ENPP6: variants seen among roughly 807,000 people sequenced by gnomAD.
ENPP6 encodes the protein glycerophosphocholine cholinephosphodiesterase ENPP6.
ENPP6 carries 32 observed loss-of-function variants against 42.0 expected under a neutral mutation model. The ratio of observed to expected loss-of-function variants is 0.76; its 90% confidence interval spans 0.58 to 1.02. The LOEUF (loss-of-function observed/expected upper bound fraction) is 1.02. Ranked by LOEUF, ENPP6 falls within the 50% of genes least tolerant of loss-of-function variation. The pLI is 0.00. For missense variants in ENPP6, 552 were observed against 566.8 expected (o/e 0.97, Z 0.27); for synonymous variants, 213 against 216.0 (o/e 0.99, Z 0.12).
intron 7 of ENPP6, among the ~76,000 whole-genome samples, chr4:184,093,375 A>T (rs1224886073): frequency 6.6e-6 from 1 of 152,108 alleles, no homozygotes; most frequent in African/African-American, 2.4e-5. Flanking sequence ...ACAGTGGCTC[A>T]CACCTGTAAT....
intron 2 of ENPP6, among the ~76,000 whole-genome samples, chr4:184,145,015 G>A (rs964763044): frequency 2.6e-5 from 4 of 152,266 alleles, no homozygotes; most frequent in African/African-American, 9.6e-5. Context: ...GCCCAGGGAA[G>A]GATTGGGCCC....
At position 184,103,359 on chromosome 4, in the gene ENPP6, G is replaced by A. The variant is rs76106648; in HGVS notation, c.994-5991C>T. Among the ~76,000 whole-genome samples, 59 of 152,328 alleles carry A rather than the reference G, an allele frequency of 3.9e-4. No individual in the cohort carries two copies. In the East Asian group the frequency reaches 8.5e-3, roughly 22 times the overall value. On this transcript the variant is annotated intron_variant, in intron 6 of 7. Transcript: ENST00000296741. ...GGTCTCCAGGGAACTGGGGAACACC[G>A]TTGAAATCTGGTCAGATTAAAATAA... is the stretch of plus-strand genomic sequence containing the variant.
chr4:184,175,788 C>G (rs773523577), intron 1 of ENPP6, among the ~76,000 whole-genome samples: 1 of 152,140 alleles, frequency 6.6e-6, no homozygotes, highest in African/African-American at 2.4e-5. Flanking sequence ...GAGAGCCTGG[C>G]CATTAGAGGA....
intron 6 of ENPP6, among the ~76,000 whole-genome samples, chr4:184,101,486 T>C (rs1216012456): frequency 6.6e-6 from 1 of 151,920 alleles, no homozygotes; most frequent in East Asian, 1.9e-4. Context: ...GAGGAGCCCT[T>C]GAATGACCTG....
chr4:184,110,621 T>G (rs1440156274), intron 6 of ENPP6, among the ~76,000 whole-genome samples: 2 of 152,122 alleles, frequency 1.3e-5, no homozygotes, highest in African/African-American at 2.4e-5. Context: ...TTTCCTGCTT[T>G]GGAATGTCCT....
chr4:184,149,007 G>T (rs553596573), intron 2 of ENPP6, among the ~76,000 whole-genome samples: 1 of 152,326 alleles, frequency 6.6e-6, no homozygotes, highest in South Asian at 2.1e-4. Flanking sequence ...AGCAAATTAT[G>T]CCTTGACTAA....
chr4:184,118,403 C>T (rs902867043), intron 3 of ENPP6, among the ~76,000 whole-genome samples: 5 of 152,150 alleles, frequency 3.3e-5, no homozygotes, highest in African/African-American at 1.2e-4. Flanking sequence ...TAGGTCTCTT[C>T]ATGTTAGATA....
intron 7 of ENPP6, 124 bp downstream of exon 7, chr4:184,097,121 C>T: frequency 1.4e-6 from 2 of 1,437,868 alleles, no homozygotes; most frequent in East Asian, 2.3e-5. Flanking sequence ...TGGGTTTGCT[C>T]TGCTTGGCTC....
At chr4:184,155,568 T>C (rs1210733752) in intron 1 of ENPP6, among the ~76,000 whole-genome samples, 11 of 152,106 alleles carry the variant, frequency 7.2e-5, no homozygotes, top group Non-Finnish European at 1.3e-4. Context: ...AGCCTCTGAA[T>C]GAATCATCAG....
Position 184,184,207 on chromosome 4 carries a change from C to T in ENPP6, c.242-30474G>A, listed in dbSNP as rs767907587. 7.9e-5 allele frequency among the ~76,000 whole-genome samples: 12 copies of T among 152,142 alleles called. 1 individual carries two copies. Among genetic ancestry groups the T allele is most frequent in the African/African-American group, 1.2e-4 (5 of 41,422 alleles). ...TCACTGTGAGAGTCAGCAGAAACGA[C>T]AACCACAGATTTAGCACCAAGAGCT... On this transcript the variant is annotated intron_variant, in intron 1 of 7. Transcript: ENST00000296741. This position sits in a 1 kb window ranked among gnomAD's most constrained non-coding sequence, Gnocchi z 4.7.
rs375893766 is a variant in ENPP6, at chr4:184,121,310, C to A, written c.533+2851G>T. 1.8e-4 allele frequency among the ~76,000 whole-genome samples: 27 copies of A among 152,238 alleles called. 1 individual carries two copies. In the East Asian group the frequency reaches 2.7e-3, roughly 15 times the overall value. On this transcript the variant is annotated intron_variant, in intron 3 of 7. Transcript: ENST00000296741. The stretch of plus-strand genomic sequence containing the variant: ...CTGAATCAAACTTGGGCGAGGGATT[C>A]TCTTTCCTACCACAGGCTGACATAG...
At chr4:184,208,774 A>G (rs1733051574) in intron 1 of ENPP6, among the ~76,000 whole-genome samples, 1 of 143,952 alleles carries the variant, frequency 6.9e-6, no homozygotes, top group South Asian at 2.3e-4. Flanking sequence ...TGTAAGCTCC[A>G]CCTCTGGGGG....
chr4:184,103,562 G>A (rs1466574338), intron 6 of ENPP6, among the ~76,000 whole-genome samples: 1 of 152,202 alleles, frequency 6.6e-6, no homozygotes, highest in Non-Finnish European at 1.5e-5. Context: ...CAGTGAAAAC[G>A]CTGGTGAAAT....
intron 1 of ENPP6, among the ~76,000 whole-genome samples, chr4:184,161,668 G>GTA (rs1553997998): frequency 0.037 from 2,781 of 74,182 alleles, 89 homozygotes; most frequent in African/African-American, 0.08. Context: ...AGAAAATGTG[G>GTA]TATATATATA....
intron 1 of ENPP6, among the ~76,000 whole-genome samples, chr4:184,174,237 A>T (rs924807265): frequency 5.9e-5 from 9 of 151,374 alleles, no homozygotes; most frequent in Non-Finnish European, 1.3e-4. Context: ...TCCCAGGTTC[A>T]AGTGATTTTC....
chr4:184,166,239 G>A (rs75993912), intron 1 of ENPP6, among the ~76,000 whole-genome samples: 1,819 of 152,280 alleles, frequency 0.012, 25 homozygotes, highest in Non-Finnish European at 0.014. Context: ...CACAGTCATC[G>A]TTAGATTCTG....
chr4:184,179,606 A>G (rs539419631), intron 1 of ENPP6, among the ~76,000 whole-genome samples: 1 of 152,328 alleles, frequency 6.6e-6, no homozygotes, highest in African/African-American at 2.4e-5. Flanking sequence ...AATCAATCAC[A>G]TAATTGGAAG....
chr4:184,185,777 C>T (rs2111103967), intron 1 of ENPP6, among the ~76,000 whole-genome samples: 1 of 152,282 alleles, frequency 6.6e-6, no homozygotes, highest in East Asian at 1.9e-4. Flanking sequence ...TCTCTTAATG[C>T]AGAGCAAAGG....
intron 7 of ENPP6, among the ~76,000 whole-genome samples, chr4:184,095,782 G>C (rs775139101): frequency 6.6e-6 from 1 of 151,956 alleles, no homozygotes; most frequent in Middle Eastern, 3.4e-3. Flanking sequence ...GGAATGGAGG[G>C]TGCCATGCTT....
Sources: gnomAD v4.1 joint callset for allele counts (sites outside exome capture counted in the v4.1 genomes callset) on GRCh38, gnomAD v4.1.1 for gene constraint, Gnocchi (gnomAD v3.1) non-coding constraint, MANE v1.5 for transcripts, NCBI Gene and HGNC (gene_info 2026-07-23, HGNC 2026-07-21) for gene names.